OTC: variants seen among roughly 807,000 people sequenced by gnomAD.
OTC encodes the protein ornithine transcarbamylase, mitochondrial.
Under a neutral mutation model 30.3 loss-of-function variants are expected in OTC, and 3 were observed. The observed-to-expected ratio is 0.10, with a 90% CI of 0.05 to 0.26. The LOEUF is 0.26. Ranked by LOEUF, OTC falls within the 10% of genes least tolerant of loss-of-function variation. The pLI, the probability that OTC is intolerant of heterozygous loss-of-function variation, is 1.00. For missense variants in OTC, 194 were observed against 260.3 expected (o/e 0.75, Z 1.75); for synonymous variants, 111 against 99.7 (o/e 1.11, Z -0.67).
At chrX:38,355,716 T>G (rs2068236924) in intron 1 of OTC, among the ~76,000 whole-genome samples, 1 of 112,205 alleles carries the variant, frequency 8.9e-6, no homozygotes, top group Non-Finnish European at 1.9e-5. Context: ...ATTCACAATG[T>G]CGAAACTTAA....
the OTC span, among the ~76,000 whole-genome samples, chrX:38,346,291 T>C: frequency 8.9e-6 from 1 of 112,093 alleles, no homozygotes; most frequent in Non-Finnish European, 1.9e-5. Context: ...GAAAAATATT[T>C]GCAATACCAA....
intron 9 of OTC, among the ~76,000 whole-genome samples, chrX:38,413,341 T>C (rs1285810157): frequency 8.9e-6 from 1 of 112,330 alleles, no homozygotes; most frequent in Non-Finnish European, 1.9e-5. Context: ...ATCTTCACTA[T>C]TGATCTGATA....
At chrX:38,399,859 G>A (rs1392135215) in intron 4 of OTC, among the ~76,000 whole-genome samples, 1 of 111,178 alleles carries the variant, frequency 9.0e-6, no homozygotes, top group Non-Finnish European at 1.9e-5. Flanking sequence ...TTTAAAAATG[G>A]CTCTTTTATT....
At chrX:38,371,243 C>G (rs941444541) in intron 3 of OTC, among the ~76,000 whole-genome samples, 3 of 112,011 alleles carry the variant, frequency 2.7e-5, no homozygotes, top group African/African-American at 9.7e-5. Flanking sequence ...ATGGACTCTT[C>G]CAAATTGTGC....
intron 9 of OTC, among the ~76,000 whole-genome samples, 154 bp downstream of exon 9, chrX:38,412,153 A>G (rs1341554009): frequency 1.8e-5 from 2 of 112,120 alleles, no homozygotes; most frequent in East Asian, 2.8e-4. Flanking sequence ...ATAATACATC[A>G]TTAGTGCTTA....
intron 3 of OTC, 125 bp downstream of exon 3, chrX:38,370,002 T>C (rs922452676): frequency 2.1e-6 from 1 of 473,971 alleles, no homozygotes; most frequent in South Asian, 3.3e-5. Context: ...TCATTTTTAC[T>C]GGGAGCAGCA....
chrX:38,339,983 C>T, the OTC span, among the ~76,000 whole-genome samples: 2 of 111,816 alleles, frequency 1.8e-5, no homozygotes, highest in Non-Finnish European at 3.8e-5. Flanking sequence ...AATAATTGAA[C>T]GCAAATAACT....
At chrX:38,387,130 A>ATTT (rs1208040271) in intron 4 of OTC, among the ~76,000 whole-genome samples, 1 of 111,396 alleles carries the variant, frequency 9.0e-6, no homozygotes, top group African/African-American at 3.3e-5. Context: ...TCTTTTGCCT[A>ATTT]TTTTTTTAAT....
intron 9 of OTC, among the ~76,000 whole-genome samples, chrX:38,419,946 C>T (rs1007733987): frequency 9.0e-6 from 1 of 110,577 alleles, no homozygotes; most frequent in African/African-American, 3.3e-5. Context: ...ATCTATTATA[C>T]AGCAGAATGA....
At chrX:38,399,995 A>T (rs998995551) in intron 4 of OTC, among the ~76,000 whole-genome samples, 26 of 111,876 alleles carry the variant, frequency 2.3e-4, no homozygotes, top group African/African-American at 7.8e-4. Context: ...AAAAATAAGG[A>T]TAAGAATTAT....
At chrX:38,418,517 G>A (rs2068580370) in intron 9 of OTC, among the ~76,000 whole-genome samples, 3 of 111,974 alleles carry the variant, frequency 2.7e-5, no homozygotes, top group African/African-American at 9.7e-5. Context: ...TATCACTTGT[G>A]TTTTCAGGGT....
chrX:38,359,270 T>C (rs2068257976), intron 1 of OTC, among the ~76,000 whole-genome samples: 1 of 111,699 alleles, frequency 9.0e-6, no homozygotes, highest in Admixed American at 9.5e-5. Context: ...TTCCCAGTAG[T>C]GCAAATACTA....
At position 38,408,455 on chromosome X, in the gene OTC, C is replaced by T. The variant is rs141787318; in HGVS notation, c.664-287C>T. Among the ~76,000 whole-genome samples, 1,895 of 111,834 alleles carry T rather than the reference C, an allele frequency of 0.017. 32 individuals carry two copies. The highest frequency in any genetic ancestry group is 0.057 in the African/African-American group (1,741 of 30,762). The stretch of plus-strand genomic sequence containing the variant: ...AATCCTCTTAAGCCATTATGGAAAC[C>T]GGAAGAGGTGCTTCCAAGAGTTAGA... On this transcript the variant is annotated intron_variant, in intron 6 of 9. Coordinates refer to ENST00000039007, the MANE Select transcript of OTC (RefSeq NM_000531.6).
intron 4 of OTC, among the ~76,000 whole-genome samples, chrX:38,390,374 A>G (rs953236043): frequency 8.9e-6 from 1 of 112,406 alleles, no homozygotes; most frequent in East Asian, 2.8e-4. Flanking sequence ...ATCAATTTAC[A>G]TTGGGGATAG....
chrX:38,397,775 C>T lies in OTC; in HGVS notation c.387-3500C>T, dbSNP rs185243438. Among the ~76,000 whole-genome samples, 320 of 111,456 alleles carry T rather than the reference C, an allele frequency of 2.9e-3. 1 individual carries two copies. The highest frequency in any genetic ancestry group is 9.9e-3 in the African/African-American group (302 of 30,642). On this transcript the variant is annotated intron_variant, in intron 4 of 9. Transcript: ENST00000039007. ...TTTCCTCCCACCTCCTCTCTCACTC[C>T]GTTTTCTAGGACAATGGTTCTCAGC...
chrX:38,338,126 C>A, the OTC span, among the ~76,000 whole-genome samples: 1 of 112,076 alleles, frequency 8.9e-6, no homozygotes. Flanking sequence ...ACCTAAGAAA[C>A]CTGTCAGGGC....
chrX:38,335,696 T>C, the OTC span, among the ~76,000 whole-genome samples: 1 of 112,852 alleles, frequency 8.9e-6, no homozygotes, highest in Non-Finnish European at 1.9e-5. Context: ...GCCCAACTGT[T>C]CAGCAATTGT....
chrX:38,415,675 A>C (rs969115790), intron 9 of OTC, among the ~76,000 whole-genome samples: 3 of 110,462 alleles, frequency 2.7e-5, no homozygotes, highest in Non-Finnish European at 5.7e-5. Context: ...CAACATGGTA[A>C]AACTCTGTCT....
intron 2 of OTC, among the ~76,000 whole-genome samples, chrX:38,369,514 A>ATTT (rs11313102): frequency 8.7e-5 from 8 of 92,233 alleles, no homozygotes; most frequent in African/African-American, 2.4e-4. Context: ...CTCCAGGCTA[A>ATTT]TTTTTTTTTT....
Sources: gnomAD v4.1 joint callset for allele counts (sites outside exome capture counted in the v4.1 genomes callset) on GRCh38, gnomAD v4.1.1 for gene constraint, MANE v1.5 for transcripts, NCBI Gene and HGNC (gene_info 2026-07-23, HGNC 2026-07-21) for gene names.